Variants in ARMC2 observed in about 807,000 individuals in gnomAD.
ARMC2 encodes the protein armadillo repeat containing 2, also known as armadillo repeat-containing protein 2.
A neutral mutation model predicts 90.3 loss-of-function variants in ARMC2; 67 were observed. The ratio of observed to expected loss-of-function variants is 0.74; its 90% CI spans 0.61 to 0.91. ARMC2 has a LOEUF of 0.91. Ranked by LOEUF, ARMC2 falls within the 40% of genes least tolerant of loss-of-function variation. The pLI is 0.00. For synonymous variants in ARMC2, 393 were observed against 393.0 expected (o/e 1.00, Z 0.00); for missense variants, 920 against 1,030.9 (o/e 0.89, Z 1.47).
intron 12 of ARMC2, among the ~76,000 whole-genome samples, chr6:108,943,735 G>A (rs969722737): frequency 6.6e-6 from 1 of 152,148 alleles, no homozygotes; most frequent in Non-Finnish European, 1.5e-5. Flanking sequence ...TTGGGAGGAT[G>A]AGGCAGGAGA....
Position 108,974,436 on chromosome 6 carries a change from A to C in ARMC2, c.*922A>C, listed in dbSNP as rs1235383031. Reference sequence around the variant, plus strand: ...ACTTTCTTAGCTTGCCATCCTTTGTAGGATGAGTTTGGCCTTTGAATAAAT... The same window carrying C: ...ACTTTCTTAGCTTGCCATCCTTTGTCGGATGAGTTTGGCCTTTGAATAAAT... On this transcript the variant is annotated 3_prime_UTR_variant, in exon 18 of 18. Coordinates refer to ENST00000392644, the MANE Select transcript of ARMC2 (RefSeq NM_032131.6). The C allele has an allele frequency of 6.6e-6, 1 of 152,264 alleles. No homozygotes were observed. The highest frequency in any genetic ancestry group is 1.5e-5 in the Non-Finnish European group (1 of 68,046). 9.4% of individuals were successfully genotyped at this position (152,264 alleles called of 1,614,324 possible). A position where few individuals can be genotyped will look rare whatever the true frequency, so the allele number is the denominator to read the frequency against.
chr6:108,956,401 A>T (rs944020242), intron 13 of ARMC2, among the ~76,000 whole-genome samples: 1 of 152,154 alleles, frequency 6.6e-6, no homozygotes, highest in Non-Finnish European at 1.5e-5. Context: ...TTGGGGTAGG[A>T]GAAAGAGGCA....
rs543713906 is a variant in ARMC2 at position 108,918,358 on chromosome 6, T to C, written c.1350+5800T>C. The stretch of plus-strand genomic sequence containing the variant: ...ACCACTTTGTTTGGAGCCGTGCGAA[T>C]AGGCGAGCGAGGGGTGTGAGGGGGC... On this transcript the variant is annotated intron_variant, in intron 10 of 17. Transcript: ENST00000392644. 3.3e-5 allele frequency among the ~76,000 whole-genome samples: 5 copies of C among 152,278 alleles called. No individual in the cohort carries two copies. The South Asian group carries it at 8.3e-4, about 25-fold the overall frequency.
chr6:108,955,803 T>A (rs1012429593), intron 13 of ARMC2, among the ~76,000 whole-genome samples: 3 of 152,208 alleles, frequency 2.0e-5, no homozygotes, highest in African/African-American at 7.2e-5. Flanking sequence ...AGCATGCCCA[T>A]GTCTGCTGAA....
rs1772915698 is a variant in ARMC2 at position 108,907,633 on chromosome 6, G to A, written c.1023+3228G>A. ...TTCAGTGGTATTTGCGGAGCCACTC[G>A]TGCTTGAGATGCTTGTAGGAAAAGG... On this transcript the variant is annotated intron_variant, in intron 8 of 17. Coordinates refer to ENST00000392644, the MANE Select transcript of ARMC2 (RefSeq NM_032131.6). 11 of 1,589,718 alleles carry A rather than the reference G, an allele frequency of 6.9e-6. No individual in the cohort carries two copies. The East Asian group carries it at 8.9e-5, about 13-fold the overall frequency.
chr6:108,885,234 G>A (rs1440819523), intron 5 of ARMC2, among the ~76,000 whole-genome samples: 1 of 150,654 alleles, frequency 6.6e-6, no homozygotes, highest in Non-Finnish European at 1.5e-5. Context: ...AGGGGTGTGT[G>A]TGTGTGTGTG....
At position 108,894,536 on chromosome 6, in the gene ARMC2, C is replaced by G. The variant is rs370951932; in HGVS notation, c.741C>G (p.Thr247=). The G allele has an allele frequency of 6.1e-5, 97 of 1,603,178 alleles. No homozygotes were observed. The Middle Eastern group carries it at 8.3e-4, about 14-fold the overall frequency. Reference sequence around the variant, plus strand: ...GCTCAGACCTGAGCAGGCTGCAAACCAAAGCAGGTGAGGGGTCCCCACACT... The same window carrying G: ...GCTCAGACCTGAGCAGGCTGCAAACGAAAGCAGGTGAGGGGTCCCCACACT... The part of the protein sequence containing the change: ...PSSSDLSRLQ[T]KAVPKADLQE... The change falls in exon 6 of 18, where the codon ACC becomes ACG. Residue 247 remains threonine, a synonymous_variant. Coordinates refer to ENST00000392644, the MANE Select transcript of ARMC2 (RefSeq NM_032131.6).
intron 11 of ARMC2, among the ~76,000 whole-genome samples, chr6:108,931,002 T>G (rs1166731756): frequency 2.0e-5 from 3 of 151,524 alleles, no homozygotes; most frequent in Non-Finnish European, 4.4e-5. Context: ...TACAGATTAT[T>G]TAATCACCCA....
chr6:108,876,073 A>G (rs1329401184), intron 4 of ARMC2, 70 bp from the exon 5 acceptor site: 1 of 1,232,224 alleles, frequency 8.1e-7, no homozygotes, highest in African/African-American at 1.5e-5. Flanking sequence ...AGATTGAAAA[A>G]TAACATTGAA....
At chr6:108,952,236 A>G (rs1777244024) in intron 12 of ARMC2, among the ~76,000 whole-genome samples, 1 of 152,232 alleles carries the variant, frequency 6.6e-6, no homozygotes. Flanking sequence ...CAAACTAAAA[A>G]CACAGTGATT....
chr6:108,970,801 A>G (rs1778713387), intron 17 of ARMC2, among the ~76,000 whole-genome samples: 1 of 151,952 alleles, frequency 6.6e-6, no homozygotes, highest in African/African-American at 2.4e-5. Context: ...CCCAGAATTT[A>G]TTTTCTATAC....
At chr6:108,899,626 C>A in intron 6 of ARMC2, 68 bp from the exon 7 acceptor site, 1 of 1,167,662 alleles carries the variant, frequency 8.6e-7, no homozygotes, top group Non-Finnish European at 1.3e-6. Context: ...ATAGTAAAGG[C>A]TTTTGACCAT....
intron 11 of ARMC2, among the ~76,000 whole-genome samples, chr6:108,932,590 G>A (rs1208340833): frequency 1.4e-5 from 2 of 140,218 alleles, no homozygotes; most frequent in African/African-American, 2.7e-5. Flanking sequence ...GGGCAGTGGC[G>A]CGGTCTCGGC....
At chr6:108,984,654 T>C in the ARMC2 span, among the ~76,000 whole-genome samples, 1 of 152,208 alleles carries the variant, frequency 6.6e-6, no homozygotes, top group Non-Finnish European at 1.5e-5. Context: ...TTCCTAAGTA[T>C]TTTATTCTTT....
intron 13 of ARMC2, among the ~76,000 whole-genome samples, chr6:108,961,368 G>A (rs1777985286): frequency 6.6e-6 from 1 of 152,182 alleles, no homozygotes; most frequent in Non-Finnish European, 1.5e-5. Context: ...CTCTGCTCTG[G>A]CCAGGAGCAG....
intron 12 of ARMC2, among the ~76,000 whole-genome samples, chr6:108,942,870 G>A (rs974220445): frequency 3.3e-5 from 5 of 152,038 alleles, no homozygotes; most frequent in African/African-American, 4.8e-5. Flanking sequence ...ATGGCTAATC[G>A]CGTTTTCAAA....
intron 11 of ARMC2, among the ~76,000 whole-genome samples, chr6:108,933,775 C>A (rs945395453): frequency 7.9e-5 from 12 of 152,206 alleles, no homozygotes; most frequent in Middle Eastern, 3.4e-3. Flanking sequence ...CAGCTTTTGC[C>A]CATTTAGTAT....
chr6:108,874,051 T>C lies in ARMC2; in HGVS notation c.464-2092T>C, dbSNP rs191883887. Reference sequence around the variant, plus strand: ...CCTGTGTGGTAAGGCTGCTGGGAGCTGTCTCCTTTTGAAGTTTACCCACGA... The same window carrying C: ...CCTGTGTGGTAAGGCTGCTGGGAGCCGTCTCCTTTTGAAGTTTACCCACGA... On this transcript the variant is annotated intron_variant, in intron 4 of 17. Coordinates refer to ENST00000392644, the MANE Select transcript of ARMC2 (RefSeq NM_032131.6). Among the ~76,000 whole-genome samples, 355 of 152,372 alleles carry C rather than the reference T, an allele frequency of 2.3e-3. 2 individuals are homozygous for C. The highest frequency in any genetic ancestry group is 8.1e-3 in the African/African-American group (335 of 41,592).
intron 5 of ARMC2, among the ~76,000 whole-genome samples, chr6:108,886,197 T>G (rs1192215110): frequency 6.6e-6 from 1 of 152,256 alleles, no homozygotes; most frequent in Non-Finnish European, 1.5e-5. Context: ...TTTTTAAACA[T>G]TCCAAATCCT....
Sources: gnomAD v4.1 joint callset for allele counts (sites outside exome capture counted in the v4.1 genomes callset) on GRCh38, gnomAD v4.1.1 for gene constraint, MANE v1.5 for transcripts, NCBI Gene and HGNC (gene_info 2026-07-23, HGNC 2026-07-21) for gene names.